The following ARNT2 variants were observed in gnomAD, a reference collection of about 807,000 sequenced individuals.
ARNT2 encodes ARNT protein 2.
A neutral mutation model predicts 91.7 loss-of-function variants in ARNT2; 36 were observed. That is an observed-to-expected ratio of 0.39 (90% CI 0.30 to 0.52). The LOEUF (loss-of-function observed/expected upper bound fraction) is 0.52, where lower values mean the gene tolerates loss of function less well. ARNT2 is among the 20% of genes least tolerant of loss of function. The pLI is 0.72. For synonymous variants in ARNT2, 365 were observed against 347.1 expected, an observed-to-expected ratio of 1.05 and a Z score of -0.57; for missense variants, 775 against 939.3, an observed-to-expected ratio of 0.83 and a Z score of 2.29.
chr15:80,501,721 A>G (rs1445244745), intron 5 of ARNT2, among the ~76,000 whole-genome samples: 1 of 152,140 alleles, frequency 6.6e-6, no homozygotes, highest in Non-Finnish European at 1.5e-5. Context: ...CTGATTCTCT[A>G]AGGGGGTTTG....
chr15:80,432,361 C>G (rs923717969), intron 1 of ARNT2, among the ~76,000 whole-genome samples: 3 of 152,120 alleles, frequency 2.0e-5, no homozygotes, highest in Non-Finnish European at 4.4e-5. Context: ...TCTGCCCTGC[C>G]TCCTGTTTTT....
chr15:80,579,513 AC>A (rs991928130), intron 15 of ARNT2, among the ~76,000 whole-genome samples: 5 of 152,040 alleles, frequency 3.3e-5, no homozygotes, highest in African/African-American at 1.2e-4. Context: ...CTTTTTTTTA[AC>A]ACGGAGCTGA....
chr15:80,450,923 C>G lies in ARNT2; in HGVS notation c.75C>G (p.Ala25=). 6.2e-7 allele frequency: 1 copy of G among 1,614,170 alleles called. No individual in the cohort carries two copies. The highest frequency in any genetic ancestry group is 8.5e-7 in the Non-Finnish European group (1 of 1,180,052). The part of the protein sequence containing the change: ...DIPGSVTLPV[A]PMAATGQVRM... ...CTGGATCTGTGACGTTGCCCGTTGC[C>G]CCCATGGCGGCCACCGGACAGGTGA... is the stretch of plus-strand genomic sequence containing the variant. Residue 25 remains alanine (A), a synonymous_variant, in exon 2 of 19, where the codon GCC becomes GCG. Transcript: ENST00000303329.
rs1034670763 is a variant in ARNT2, at chr15:80,500,061, C to A, written c.623-8095C>A. Among the ~76,000 whole-genome samples the A allele has an allele frequency of 3.9e-5, 6 of 152,304 alleles. No homozygotes were observed. The South Asian group carries it at 1.2e-3, about 32-fold the overall frequency. ...GAGAATGAAGTCTAAGGAAAATGCA[C>A]CCACCTTTAGTAGTAGAAGGCCCAT... On this transcript the variant is annotated intron_variant, in intron 5 of 18. Transcript: ENST00000303329.
chr15:80,462,263 G>A (rs1279252643), intron 3 of ARNT2, among the ~76,000 whole-genome samples: 1 of 152,162 alleles, frequency 6.6e-6, no homozygotes, highest in Non-Finnish European at 1.5e-5. Context: ...GGGGTCAGCT[G>A]CCACCAGTAC....
At chr15:80,587,819 G>A (rs1052500657) in intron 17 of ARNT2, among the ~76,000 whole-genome samples, 15 of 152,242 alleles carry the variant, frequency 9.9e-5, no homozygotes, top group African/African-American at 3.4e-4. Context: ...GTAACTGCAT[G>A]TGGCTCATGG....
intron 1 of ARNT2, among the ~76,000 whole-genome samples, chr15:80,406,868 G>T (rs139675681): frequency 6.6e-6 from 1 of 152,160 alleles, no homozygotes; most frequent in African/African-American, 2.4e-5. Flanking sequence ...AGGATGATCC[G>T]TGGGGATGTG....
At chr15:80,456,582 C>A (rs895929782) in intron 2 of ARNT2, among the ~76,000 whole-genome samples, 1 of 152,124 alleles carries the variant, frequency 6.6e-6, no homozygotes, top group African/African-American at 2.4e-5. Context: ...GTCCCTAGGT[C>A]CCTCAGTTTG....
intron 8 of ARNT2, among the ~76,000 whole-genome samples, chr15:80,532,304 G>GC (rs2141442516): frequency 6.6e-6 from 1 of 152,172 alleles, no homozygotes; most frequent in African/African-American, 2.4e-5. Context: ...AAGCTGCACT[G>GC]CCCCCAGTCT....
chr15:80,589,781 A>G (rs1033037920), intron 17 of ARNT2, among the ~76,000 whole-genome samples: 4 of 152,208 alleles, frequency 2.6e-5, no homozygotes, highest in Non-Finnish European at 5.9e-5. Context: ...CGATTCTATG[A>G]AAGAGTTCCT....
chr15:80,467,460 TA>T (rs1896672113), intron 3 of ARNT2, among the ~76,000 whole-genome samples: 1 of 152,070 alleles, frequency 6.6e-6, no homozygotes, highest in Non-Finnish European at 1.5e-5. Flanking sequence ...GGGTGGTGCC[TA>T]ATGAGCGAGA....
At chr15:80,565,666 G>A (rs1038167917) in intron 12 of ARNT2, among the ~76,000 whole-genome samples, 10 of 151,580 alleles carry the variant, frequency 6.6e-5, no homozygotes, top group African/African-American at 1.9e-4. Context: ...TTTGTTGGCT[G>A]TTTCTGTGTC....
chr15:80,549,251 G>C (rs1898040997), intron 8 of ARNT2, among the ~76,000 whole-genome samples: 1 of 152,110 alleles, frequency 6.6e-6, no homozygotes. Flanking sequence ...ATCTAAATGT[G>C]AAAAATAAAA....
chr15:80,525,566 G>A (rs117490404), intron 8 of ARNT2, among the ~76,000 whole-genome samples: 3,386 of 152,158 alleles, frequency 0.022, 67 homozygotes, highest in Non-Finnish European at 0.036. Flanking sequence ...AGGGAGGGAG[G>A]GGGGTAAAAG....
chr15:80,415,565 T>C (rs1265413814), intron 1 of ARNT2, among the ~76,000 whole-genome samples: 3 of 152,190 alleles, frequency 2.0e-5, no homozygotes, highest in African/African-American at 4.8e-5. Context: ...AGGACATTCT[T>C]ATTGGCAGCA....
At chr15:80,547,454 G>A (rs1215358778) in intron 8 of ARNT2, among the ~76,000 whole-genome samples, 2 of 152,232 alleles carry the variant, frequency 1.3e-5, no homozygotes, top group Non-Finnish European at 2.9e-5. Context: ...AACTTCTGCA[G>A]CATACCAAAG....
At chr15:80,442,257 C>G (rs1426677302) in intron 1 of ARNT2, among the ~76,000 whole-genome samples, 1 of 152,188 alleles carries the variant, frequency 6.6e-6, no homozygotes, top group African/African-American at 2.4e-5. Context: ...CATCGTACTT[C>G]GTTCCTCCCA....
At chr15:80,583,087 C>T (rs1898828659) in intron 17 of ARNT2, among the ~76,000 whole-genome samples, 1 of 152,194 alleles carries the variant, frequency 6.6e-6, no homozygotes, top group South Asian at 2.1e-4. Context: ...CTGGTCCCCA[C>T]CCAGAGAAGG....
chr15:80,415,082 C>T (rs1049145189), intron 1 of ARNT2, among the ~76,000 whole-genome samples: 3 of 152,186 alleles, frequency 2.0e-5, no homozygotes, highest in Admixed American at 1.3e-4. Flanking sequence ...AAGACTGTTC[C>T]GGTATTCAAC....
Sources: allele counts gnomAD v4.1 joint callset (sites outside exome capture counted in the v4.1 genomes callset), GRCh38; gene constraint gnomAD v4.1.1; transcripts MANE v1.5; gene names NCBI Gene and HGNC (gene_info 2026-07-23, HGNC 2026-07-21).